Variants in KIF13A observed in about 807,000 individuals in gnomAD.
The protein encoded by KIF13A is kinesin-like protein KIF13A.
KIF13A carries 79 observed loss-of-function variants against 212.2 expected under a neutral mutation model. The ratio of observed to expected loss-of-function variants is 0.37; its 90% confidence interval spans 0.31 to 0.45. KIF13A has a LOEUF of 0.45. KIF13A is among the 20% of genes least tolerant of loss of function. The pLI, the probability that KIF13A is intolerant of heterozygous loss-of-function variation, is 1.00. For missense variants in KIF13A, 1,901 were observed against 2,209.0 expected (o/e 0.86, Z 2.79); for synonymous variants, 789 against 808.6 (o/e 0.98, Z 0.41).
At chr6:17,923,148 C>T (rs933571315) in intron 2 of KIF13A, among the ~76,000 whole-genome samples, 48 of 151,822 alleles carry the variant, frequency 3.2e-4, no homozygotes, top group African/African-American at 1.1e-3. Flanking sequence ...GTCGCAGGTG[C>T]CTGTATTCCC....
Position 17,987,547 on chromosome 6 carries a change from G to A in KIF13A, c.-84C>T, listed in dbSNP as rs1581968488. 5 of 763,278 alleles carry A rather than the reference G, an allele frequency of 6.6e-6. No homozygotes were observed. In the South Asian group the frequency reaches 2.8e-4, roughly 42 times the overall value. 47.3% of individuals were successfully genotyped at this position (763,278 alleles called of 1,614,324 possible). A position where few individuals can be genotyped will look rare whatever the true frequency, so the allele number is the denominator to read the frequency against. ...GCGCGGCGCCGCCGCCGCTGCAGCC[G>A]CGCGCCCCTCGAGCGCGGCCGCCGC... On this transcript the variant is annotated 5_prime_UTR_variant, in exon 1 of 39. Transcript: ENST00000259711. The surrounding 1 kb of genome is among the most constrained non-coding windows in gnomAD (Gnocchi z 7.7).
Position 17,951,218 on chromosome 6 carries a change from A to T in KIF13A, c.146+35836T>A. 9.9e-7 allele frequency: 1 copy of T among 1,014,168 alleles called. No individual in the cohort carries two copies. Among genetic ancestry groups the T allele is most frequent in the Non-Finnish European group, 1.3e-6 (1 of 771,144 alleles). The allele number at this position is 1,014,168 out of a possible 1,614,324, so 62.8% of individuals were successfully genotyped here. The stretch of plus-strand genomic sequence containing the variant: ...CACCCAGGCTGGCGTGCAGTGGCTC[A>T]AACAGCTCACTGGAGCCTCCTGCCT... On this transcript the variant is annotated intron_variant, in intron 2 of 38. Coordinates refer to ENST00000259711, the MANE Select transcript of KIF13A (RefSeq NM_022113.6). This position sits in a 1 kb window ranked among gnomAD's most constrained non-coding sequence, Gnocchi z 4.9.
At position 17,816,289 on chromosome 6, in the gene KIF13A, G is replaced by A. The variant is rs763181693; in HGVS notation, c.2000+731C>T. Among the ~76,000 whole-genome samples, 1 of 151,282 alleles carries A rather than the reference G, an allele frequency of 6.6e-6. No homozygotes were observed. On this transcript the variant is annotated intron_variant, in intron 17 of 38. Coordinates refer to ENST00000259711, the MANE Select transcript of KIF13A (RefSeq NM_022113.6). This position sits in a 1 kb window ranked among gnomAD's most constrained non-coding sequence, Gnocchi z 4.3. ...CATGATCGCAGCTCACTAAAGCCTT[G>A]ATCTCTGGGGCTCAAGTGACCCTCC...
chr6:17,987,191 TC>T lies in KIF13A; in HGVS notation c.56-48del. ...CGTTGCAAAGTCCAGCATCCGCGCC[TC>T]CAGCCCGCCCGCCCGCCAGCCGCGC... On this transcript the variant is annotated intron_variant, in intron 1 of 38. Transcript: ENST00000259711. The surrounding 1 kb of genome is among the most constrained non-coding windows in gnomAD (Gnocchi z 7.7). 1 of 1,446,512 alleles carries T rather than the reference TC, an allele frequency of 6.9e-7. No individual in the cohort carries two copies. Among genetic ancestry groups the T allele is most frequent in the Non-Finnish European group, 9.5e-7 (1 of 1,057,588 alleles). The allele number at this position is 1,446,512 out of a possible 1,614,324, so 89.6% of individuals were successfully genotyped here.
chr6:17,769,381 A>G lies in KIF13A; in HGVS notation c.4581+1733T>C, dbSNP rs1269684622. Among the ~76,000 whole-genome samples the G allele has an allele frequency of 6.6e-6, 1 of 152,150 alleles. No individual in the cohort carries two copies. The highest frequency in any genetic ancestry group is 1.5e-5 in the Non-Finnish European group (1 of 68,022). ...AGACAGCTTTTTCAAGTAAGACTCC[A>G]GCAAGAACAATAACACCATCAAGTC... is the stretch of plus-strand genomic sequence containing the variant. On this transcript the variant is annotated intron_variant, in intron 38 of 38. Transcript: ENST00000259711. The surrounding 1 kb of genome is among the most constrained non-coding windows in gnomAD (Gnocchi z 5.8).
rs1239158060 is a variant in KIF13A, at chr6:17,771,713, C to T, written c.4476+195G>A. The T allele has an allele frequency of 2.0e-6, 1 of 511,918 alleles. No individual in the cohort carries two copies. The highest frequency in any genetic ancestry group is 2.8e-5 in the East Asian group (1 of 36,112). 31.7% of individuals were successfully genotyped at this position (511,918 alleles called of 1,614,324 possible). Reference sequence around the variant, plus strand: ...AAGCCATAAACACAAAGAAATAAAACCACAGCAGCAACAACAAACAAGAGA... The same window carrying T: ...AAGCCATAAACACAAAGAAATAAAATCACAGCAGCAACAACAAACAAGAGA... On this transcript the variant is annotated intron_variant, in intron 37 of 38. Coordinates refer to ENST00000259711, the MANE Select transcript of KIF13A (RefSeq NM_022113.6). This position sits in a 1 kb window ranked among gnomAD's most constrained non-coding sequence, Gnocchi z 5.4.
At position 17,787,689 on chromosome 6, in the gene KIF13A, C is replaced by T. The variant is rs1278795564; in HGVS notation, c.3361+87G>A. On this transcript the variant is annotated intron_variant, in intron 27 of 38. Coordinates refer to ENST00000259711, the MANE Select transcript of KIF13A (RefSeq NM_022113.6). The surrounding 1 kb of genome is among the most constrained non-coding windows in gnomAD (Gnocchi z 4.6). Reference sequence around the variant, plus strand: ...CAACAACAACAAAAATAAGATACTACTGTCCAGTTAGGGGAAGAAAACGAC... The same window carrying T: ...CAACAACAACAAAAATAAGATACTATTGTCCAGTTAGGGGAAGAAAACGAC... 1.3e-6 allele frequency: 1 copy of T among 771,716 alleles called. No individual in the cohort carries two copies. The highest frequency in any genetic ancestry group is 1.7e-5 in the African/African-American group (1 of 57,988). The allele number at this position is 771,716 out of a possible 1,614,324, so 47.8% of individuals were successfully genotyped here.
intron 3 of KIF13A, among the ~76,000 whole-genome samples, chr6:17,875,191 T>C (rs1380306231): frequency 6.6e-6 from 1 of 152,142 alleles, no homozygotes; most frequent in African/African-American, 2.4e-5. Flanking sequence ...TTGGATCAGA[T>C]GGTAGTTCTA....
intron 2 of KIF13A, among the ~76,000 whole-genome samples, chr6:17,972,846 A>C (rs1322880104): frequency 6.6e-6 from 1 of 151,518 alleles, no homozygotes; most frequent in East Asian, 1.9e-4. Context: ...AAAAAAAAAA[A>C]AAAAAAAACA....
chr6:17,771,433 A>AAACAGC lies in KIF13A; in HGVS notation c.4477-221_4477-216dup. 1.9e-6 allele frequency: 1 copy of AAACAGC among 538,440 alleles called. No homozygotes were observed. The highest frequency in any genetic ancestry group is 2.3e-5 in the South Asian group (1 of 43,044). The allele number at this position is 538,440 out of a possible 1,614,324, so 33.4% of individuals were successfully genotyped here. A position where few individuals can be genotyped will look rare whatever the true frequency, so the allele number is the denominator to read the frequency against. ...AAAAGCATAATTAGTCTTATTTAAA[A>AAACAGC]AACAGCCTTTTGACCAGGTACAACG... On this transcript the variant is annotated intron_variant, in intron 37 of 38. Transcript: ENST00000259711. This position sits in a 1 kb window ranked among gnomAD's most constrained non-coding sequence, Gnocchi z 5.4.
chr6:17,764,678 C>T lies in KIF13A; in HGVS notation c.4850G>A (p.Ser1617Asn). The change falls in exon 39 of 39, where the codon AGT (serine) becomes AAT (asparagine). Residue 1617 changes from serine (S) to asparagine (N), a missense_variant. Ser to Asn is a conservative substitution (Grantham distance 46). Around this residue, in one of 5 missense-constraint regions of KIF13A, gnomAD observed 687 missense variants for 759.1 expected, o/e 0.90. Coordinates refer to ENST00000259711, the MANE Select transcript of KIF13A (RefSeq NM_022113.6). The surrounding 1 kb of genome is among the most constrained non-coding windows in gnomAD (Gnocchi z 5.1). Reference protein sequence around the residue: ...ATLSDMVVPSSDSSDQLAIQT... With the variant: ...ATLSDMVVPSNDSSDQLAIQT... ...AATGGCCAGCTGGTCTGAGCTGTCA[C>T]TAGAAGGGACCACCATGTCAGACAG... 6.2e-7 allele frequency: 1 copy of T among 1,613,742 alleles called. No individual in the cohort carries two copies. The highest frequency in any genetic ancestry group is 8.5e-7 in the Non-Finnish European group (1 of 1,179,790).
At chr6:17,870,972 T>C (rs1769948776) in intron 4 of KIF13A, among the ~76,000 whole-genome samples, 1 of 152,214 alleles carries the variant, frequency 6.6e-6, no homozygotes, top group Admixed American at 6.5e-5. Flanking sequence ...GAAAACAAAT[T>C]GTAGCTCAGA....
At chr6:17,803,124 C>T (rs1038638329) in intron 20 of KIF13A, among the ~76,000 whole-genome samples, 6 of 151,772 alleles carry the variant, frequency 4.0e-5, no homozygotes, top group Non-Finnish European at 5.9e-5. Context: ...TTAGTAGAGA[C>T]GGGGTTTCAC....
At chr6:17,908,574 A>C (rs2150499881) in intron 2 of KIF13A, among the ~76,000 whole-genome samples, 1 of 152,286 alleles carries the variant, frequency 6.6e-6, no homozygotes, top group East Asian at 1.9e-4. Context: ...ACCGCACTCG[A>C]GCCTAGGCGA....
intron 38 of KIF13A, among the ~76,000 whole-genome samples, chr6:17,767,401 T>C (rs573110687): frequency 1.7e-4 from 26 of 152,210 alleles, no homozygotes; most frequent in African/African-American, 5.3e-4. Context: ...ATTACAGGTG[T>C]CCGCCACCAT....
intron 2 of KIF13A, among the ~76,000 whole-genome samples, chr6:17,977,922 C>CA (rs1780726433): frequency 6.6e-6 from 1 of 152,140 alleles, no homozygotes; most frequent in Non-Finnish European, 1.5e-5. Flanking sequence ...TACAAAGTTA[C>CA]CTGTGCAAAA....
rs1779393426 is a variant in KIF13A at position 17,967,087 on chromosome 6, A to G, written c.146+19967T>C. Among the ~76,000 whole-genome samples the G allele has an allele frequency of 6.6e-6, 1 of 152,374 alleles. No homozygotes were observed. Among genetic ancestry groups the G allele is most frequent in the South Asian group, 2.1e-4 (1 of 4,828 alleles). On this transcript the variant is annotated intron_variant, in intron 2 of 38. Transcript: ENST00000259711. This position sits in a 1 kb window ranked among gnomAD's most constrained non-coding sequence, Gnocchi z 4.1. ...TGGTATTATGCACTTTCTCAGGGGA[A>G]AAGTAATCCGAGGAGATAAAAACTT...
At chr6:17,870,805 C>T (rs896800847) in intron 4 of KIF13A, among the ~76,000 whole-genome samples, 6 of 152,116 alleles carry the variant, frequency 3.9e-5, no homozygotes, top group African/African-American at 1.4e-4. Flanking sequence ...TCTGCTCAGA[C>T]CAGCATTACC....
At chr6:17,887,119 C>G (rs1363121695) in intron 3 of KIF13A, among the ~76,000 whole-genome samples, 1 of 105,098 alleles carries the variant, frequency 9.5e-6, no homozygotes, top group African/African-American at 2.7e-5. Context: ...TAAGTATGAA[C>G]AAAGTGACAT....
Sources: allele counts gnomAD v4.1 joint callset (sites outside exome capture counted in the v4.1 genomes callset), GRCh38; gene constraint gnomAD v4.1.1; regional missense constraint gnomAD v4.1.1; non-coding constraint Gnocchi (gnomAD v3.1); transcripts MANE v1.5; gene names NCBI Gene and HGNC (gene_info 2026-07-23, HGNC 2026-07-21).